DNAH9: variants seen among roughly 807,000 people sequenced by gnomAD.
DNAH9 encodes DNAH9 variant protein.
In DNAH9, 345 loss-of-function variants were observed where a neutral mutation model predicts 471.6. That is an observed-to-expected ratio of 0.73 (90% confidence interval 0.67 to 0.80). The LOEUF is 0.80. DNAH9 is among the 30% of genes least tolerant of loss of function. The pLI is 0.00. For missense variants in DNAH9, 5,407 were observed against 5,609.2 expected (o/e 0.96, Z 1.15); for synonymous variants, 2,093 against 2,123.6 (o/e 0.99, Z 0.40).
intron 8 of DNAH9, among the ~76,000 whole-genome samples, chr17:11,634,359 G>C (rs2073122627): frequency 6.6e-6 from 1 of 152,146 alleles, no homozygotes. Context: ...TTCAAGGCTG[G>C]GGAGTAGGGA....
At chr17:11,685,128 A>G (rs1205591068) in intron 19 of DNAH9, among the ~76,000 whole-genome samples, 8 of 152,170 alleles carry the variant, frequency 5.3e-5, no homozygotes, top group Non-Finnish European at 8.8e-5. Flanking sequence ...AAAATGAGCA[A>G]TAAGGCATGC....
chr17:11,860,815 C>A (rs1328788578), intron 50 of DNAH9, among the ~76,000 whole-genome samples: 1 of 152,176 alleles, frequency 6.6e-6, no homozygotes, highest in Non-Finnish European at 1.5e-5. Context: ...CCCGCCTCGG[C>A]CTCTCAAAGT....
At chr17:11,692,450 G>A (rs1222785831) in intron 20 of DNAH9, among the ~76,000 whole-genome samples, 1 of 152,094 alleles carries the variant, frequency 6.6e-6, no homozygotes, top group Non-Finnish European at 1.5e-5. Flanking sequence ...TGTATGTCTG[G>A]GAAAAATGTT....
At chr17:11,709,066 G>A (rs1597514805) in intron 26 of DNAH9, among the ~76,000 whole-genome samples, 1 of 152,126 alleles carries the variant, frequency 6.6e-6, no homozygotes, top group East Asian at 1.9e-4. Context: ...TCTTTTCCCT[G>A]GGCCTTCGCA....
intron 1 of DNAH9, among the ~76,000 whole-genome samples, chr17:11,604,961 T>G (rs967578770): frequency 5.9e-5 from 9 of 152,166 alleles, no homozygotes; most frequent in Non-Finnish European, 1.0e-4. Flanking sequence ...AAACTTTCAA[T>G]GATGTCCATT....
chr17:11,798,080 G>A (rs1597660888), intron 43 of DNAH9, among the ~76,000 whole-genome samples: 1 of 152,096 alleles, frequency 6.6e-6, no homozygotes, highest in East Asian at 1.9e-4. Context: ...TCATAAAATG[G>A]GACCCAGAAC....
At chr17:11,757,439 G>A in intron 34 of DNAH9, 106 bp from the exon 35 acceptor site, 2 of 1,095,040 alleles carry the variant, frequency 1.8e-6, no homozygotes, top group East Asian at 2.4e-5. Context: ...TTTCTTTTCA[G>A]TCCAGTCTTC....
At chr17:11,835,605 G>A (rs997793789) in intron 49 of DNAH9, among the ~76,000 whole-genome samples, 1 of 152,054 alleles carries the variant, frequency 6.6e-6, no homozygotes, top group Non-Finnish European at 1.5e-5. Context: ...AGGAAAAGAG[G>A]GGCAGTCAGA....
intron 44 of DNAH9, among the ~76,000 whole-genome samples, chr17:11,808,696 A>G (rs1367624262): frequency 6.6e-6 from 1 of 152,226 alleles, no homozygotes; most frequent in African/African-American, 2.4e-5. Context: ...TAGGAATTAC[A>G]CATTTACAGA....
chr17:11,630,276 T>C (rs1404107210), intron 7 of DNAH9: 1 of 152,290 alleles, frequency 6.6e-6, no homozygotes, highest in African/African-American at 2.4e-5. Flanking sequence ...CTGCTAAAAA[T>C]ACACAAAGTA....
Position 11,598,917 on chromosome 17 carries a change from T to G in DNAH9, c.417+2T>G. 5 of 1,413,866 alleles carry G rather than the reference T, an allele frequency of 3.5e-6. No individual in the cohort carries two copies. Among genetic ancestry groups the G allele is most frequent in the South Asian group, 2.8e-5 (2 of 72,078 alleles). 87.6% of individuals were successfully genotyped at this position (1,413,866 alleles called of 1,614,324 possible). A position where few individuals can be genotyped will look rare whatever the true frequency, so the allele number is the denominator to read the frequency against. The stretch of plus-strand genomic sequence containing the variant: ...CACCTAGCCGCGCTGTTCTCGGAGG[T>G]GAGGGTGGGTTAGTGTCCCCGCGCG... On this transcript the variant is annotated splice_donor_variant, in intron 1 of 68. Coordinates refer to ENST00000262442, the MANE Select transcript of DNAH9 (RefSeq NM_001372.4). LOFTEE classifies it high-confidence loss of function.
chr17:11,860,147 C>T (rs1012925160), intron 50 of DNAH9, among the ~76,000 whole-genome samples: 5 of 152,294 alleles, frequency 3.3e-5, no homozygotes, highest in East Asian at 1.9e-4. Flanking sequence ...ATTCTGTGAA[C>T]GTGTCTATAT....
intron 41 of DNAH9, among the ~76,000 whole-genome samples, chr17:11,791,662 G>A (rs2150906549): frequency 6.6e-6 from 1 of 152,260 alleles, no homozygotes; most frequent in Non-Finnish European, 1.5e-5. Flanking sequence ...CGCGAGCCGA[G>A]ATTGCACCAC....
Position 11,660,184 on chromosome 17 carries a change from CTT to C in DNAH9, c.2596-4648_2596-4647del, listed in dbSNP as rs1293395830. 2.0e-5 allele frequency among the ~76,000 whole-genome samples: 3 copies of C among 151,972 alleles called. No individual in the cohort carries two copies. In the East Asian group the frequency reaches 5.8e-4, roughly 29 times the overall value. Reference sequence around the variant, plus strand: ...TGTTTTTAGCCTGTTAGGGTATAAACTTAGGGTCTTGATTTTAAGCCTTTCTC... The same window carrying C: ...TGTTTTTAGCCTGTTAGGGTATAAACAGGGTCTTGATTTTAAGCCTTTCTC... On this transcript the variant is annotated intron_variant, in intron 14 of 68. Transcript: ENST00000262442.
intron 27 of DNAH9, among the ~76,000 whole-genome samples, chr17:11,726,874 C>G (rs574975064): frequency 8.6e-5 from 13 of 151,888 alleles, no homozygotes; most frequent in African/African-American, 3.1e-4. Context: ...ATGGTGAAAC[C>G]CTGTCTCTAC....
chr17:11,903,379 C>T (rs774594922), intron 60 of DNAH9, among the ~76,000 whole-genome samples: 10 of 151,748 alleles, frequency 6.6e-5, no homozygotes, highest in Admixed American at 6.6e-4. Flanking sequence ...AATTAAATAG[C>T]CATAGCCATA....
At chr17:11,963,446 A>C (rs1225358907) in intron 68 of DNAH9, among the ~76,000 whole-genome samples, 1 of 151,954 alleles carries the variant, frequency 6.6e-6, no homozygotes, top group East Asian at 1.9e-4. Context: ...AAAAAAAAAA[A>C]AGAAGACAAC....
In DNAH9 at chr17:11,704,335, A is replaced by G; in HGVS notation, c.5284A>G (p.Thr1762Ala). 6.2e-7 allele frequency: 1 copy of G among 1,614,148 alleles called. No homozygotes were observed. The highest frequency in any genetic ancestry group is 8.5e-7 in the Non-Finnish European group (1 of 1,180,030). ...AGTGGCCCAGCTCAAAACCCTTATC[A>G]CCATGCTGATTGGCCAGCTCTCCAA... The part of the protein sequence containing the change: ...KQVAQLKTLI[T>A]MLIGQLSKGD... The change falls in exon 25 of 69, where the codon ACC (threonine) becomes GCC (alanine). Residue 1762 changes from threonine to alanine, a missense_variant. Coordinates refer to ENST00000262442, the MANE Select transcript of DNAH9 (RefSeq NM_001372.4).
At chr17:11,609,412 A>G (rs1392285386) in intron 2 of DNAH9, among the ~76,000 whole-genome samples, 1 of 152,186 alleles carries the variant, frequency 6.6e-6, no homozygotes, top group African/African-American at 2.4e-5. Context: ...TGTAACATTC[A>G]GTGTGTGTTT....
Sources: gnomAD v4.1 joint callset for allele counts (sites outside exome capture counted in the v4.1 genomes callset) on GRCh38, gnomAD v4.1.1 for gene constraint, MANE v1.5 for transcripts, NCBI Gene and HGNC (gene_info 2026-07-23, HGNC 2026-07-21) for gene names.